Variants in CHRM2 observed in about 807,000 individuals in gnomAD.
CHRM2 encodes the protein muscarinic acetylcholine receptor M2.
CHRM2 carries 8 observed loss-of-function variants against 25.0 expected under a neutral mutation model. That is an observed-to-expected ratio of 0.32 (90% CI 0.19 to 0.58). The LOEUF is 0.58. CHRM2 is among the 20% of genes least tolerant of loss of function. The pLI is 0.88. For missense variants in CHRM2, 440 were observed against 567.1 expected, an observed-to-expected ratio of 0.78 and a Z score of 2.28; for synonymous variants, 202 against 205.7, an observed-to-expected ratio of 0.98 and a Z score of 0.15.
At chr7:136,899,609 G>A (rs1797090038) in intron 2 of CHRM2, 2 of 152,046 alleles carry the variant, frequency 1.3e-5, no homozygotes, top group South Asian at 2.1e-4. Flanking sequence ...AAGGAAGTAA[G>A]GAGGCATTAA....
Position 136,933,912 on chromosome 7 carries a change from G to C in CHRM2, c.-124-58275G>C, listed in dbSNP as rs150351415. On this transcript the variant is annotated intron_variant, in intron 2 of 3. Coordinates refer to ENST00000680005, the MANE Select transcript of CHRM2 (RefSeq NM_001006630.2). ...GTGGTTGAGTAGGGTTTGTGAGTTT[G>C]GGAAAATTGCAAGTAACGGCTAATG... 2.0e-5 allele frequency among the ~76,000 whole-genome samples: 3 copies of C among 152,190 alleles called. No individual in the cohort carries two copies. In the East Asian group the frequency reaches 5.8e-4, roughly 29 times the overall value.
chr7:136,995,123 T>C (rs1283893542), intron 3 of CHRM2, among the ~76,000 whole-genome samples: 2 of 152,158 alleles, frequency 1.3e-5, no homozygotes, highest in African/African-American at 2.4e-5. Context: ...ATACACATTG[T>C]ATAGAAGTAG....
At chr7:136,927,464 G>C (rs1798813199) in intron 2 of CHRM2, among the ~76,000 whole-genome samples, 1 of 151,752 alleles carries the variant, frequency 6.6e-6, no homozygotes, top group Admixed American at 6.6e-5. Context: ...CATTTGTTTT[G>C]GCACCAAAAG....
intron 2 of CHRM2, among the ~76,000 whole-genome samples, chr7:136,939,143 A>G (rs1174149206): frequency 2.0e-5 from 3 of 152,114 alleles, no homozygotes; most frequent in Admixed American, 6.5e-5. Flanking sequence ...CCCCATGAGG[A>G]AGCAGTAGCA....
chr7:136,937,793 G>A (rs984172548), intron 2 of CHRM2, among the ~76,000 whole-genome samples: 3 of 152,112 alleles, frequency 2.0e-5, no homozygotes, highest in Non-Finnish European at 2.9e-5. Context: ...AGATTTCCAC[G>A]CTTTTGACAC....
At chr7:136,938,137 C>T in intron 2 of CHRM2, 1 of 638,474 alleles carries the variant, frequency 1.6e-6, no homozygotes, top group Non-Finnish European at 2.8e-6. Flanking sequence ...CTTGTCTCCT[C>T]TTCTTGTCAG....
At chr7:136,925,921 A>C (rs1584767078) in intron 2 of CHRM2, among the ~76,000 whole-genome samples, 1 of 152,294 alleles carries the variant, frequency 6.6e-6, no homozygotes, top group South Asian at 2.1e-4. Context: ...TCAGGCTTTA[A>C]TATGGTGTCC....
intron 2 of CHRM2, among the ~76,000 whole-genome samples, chr7:136,879,742 T>C (rs530357593): frequency 9.9e-5 from 15 of 152,084 alleles, no homozygotes; most frequent in African/African-American, 3.6e-4. Flanking sequence ...AATTCCTCTT[T>C]AAATTTCTCT....
At chr7:136,943,466 TA>T (rs1159981550) in intron 2 of CHRM2, among the ~76,000 whole-genome samples, 2 of 152,248 alleles carry the variant, frequency 1.3e-5, no homozygotes, top group African/African-American at 4.8e-5. Flanking sequence ...TTTCTTTTAC[TA>T]ATGCAGCCTA....
At chr7:136,883,799 C>T (rs989940434) in intron 2 of CHRM2, among the ~76,000 whole-genome samples, 9 of 152,042 alleles carry the variant, frequency 5.9e-5, no homozygotes, top group Non-Finnish European at 1.0e-4. Context: ...CAAACATGAG[C>T]GACTGTCAAA....
intron 2 of CHRM2, among the ~76,000 whole-genome samples, chr7:136,987,883 T>A (rs993084050): frequency 6.6e-6 from 1 of 151,876 alleles, no homozygotes; most frequent in African/African-American, 2.4e-5. Context: ...GTTCCAAATT[T>A]TCTTATTTTA....
At chr7:136,980,553 C>T (rs1255817010) in intron 2 of CHRM2, among the ~76,000 whole-genome samples, 1 of 152,142 alleles carries the variant, frequency 6.6e-6, no homozygotes, top group Non-Finnish European at 1.5e-5. Flanking sequence ...CAGCATTTTC[C>T]CATTCAGTAT....
At position 136,980,874 on chromosome 7, in the gene CHRM2, G is replaced by A. The variant is rs1231701082; in HGVS notation, c.-124-11313G>A. 5.9e-5 allele frequency among the ~76,000 whole-genome samples: 9 copies of A among 152,312 alleles called. No individual in the cohort carries two copies. In the South Asian group the frequency reaches 1.9e-3, roughly 32 times the overall value. Reference sequence around the variant, plus strand: ...TTTTACTGAGGATTTTCGCATCGATGTTCATCAGGGATGTTGGCTTGAAAT... The same window carrying A: ...TTTTACTGAGGATTTTCGCATCGATATTCATCAGGGATGTTGGCTTGAAAT... On this transcript the variant is annotated intron_variant, in intron 2 of 3. Transcript: ENST00000680005.
At chr7:136,992,472 G>C (rs1803292829) in intron 3 of CHRM2, among the ~76,000 whole-genome samples, 1 of 151,998 alleles carries the variant, frequency 6.6e-6, no homozygotes, top group Non-Finnish European at 1.5e-5. Flanking sequence ...CCACAGACCA[G>C]GGACAAACTA....
At chr7:136,962,853 G>A (rs913391564) in intron 2 of CHRM2, among the ~76,000 whole-genome samples, 15 of 152,126 alleles carry the variant, frequency 9.9e-5, no homozygotes, top group African/African-American at 3.6e-4. Context: ...TTAAGGCCCT[G>A]AAAGTCAACA....
In CHRM2 at chr7:137,018,397, CA is replaced by C. The variant is rs1805285723; in HGVS notation, c.*2132del. On this transcript the variant is annotated 3_prime_UTR_variant, in exon 4 of 4. Coordinates refer to ENST00000680005, the MANE Select transcript of CHRM2 (RefSeq NM_001006630.2). ...ACAGTTACTTCAACATGCACTTTTA[CA>C]TTTTAAATTCATATTTATTTTCATA... The C allele has an allele frequency of 6.6e-6, 1 of 151,898 alleles. No individual in the cohort carries two copies. The highest frequency in any genetic ancestry group is 6.6e-5 in the Admixed American group (1 of 15,194). The allele number at this position is 151,898 out of a possible 1,614,324, so 9.4% of individuals were successfully genotyped here.
At chr7:136,939,379 G>C (rs549860292) in intron 2 of CHRM2, among the ~76,000 whole-genome samples, 3 of 152,330 alleles carry the variant, frequency 2.0e-5, no homozygotes, top group African/African-American at 7.2e-5. Flanking sequence ...TCAAGTTCCA[G>C]TTCTAATGCC....
intron 2 of CHRM2, among the ~76,000 whole-genome samples, chr7:136,945,687 T>C (rs1800035116): frequency 6.6e-6 from 1 of 152,182 alleles, no homozygotes; most frequent in South Asian, 2.1e-4. Context: ...TGCTAACTCT[T>C]GCTTTGGCTA....
At chr7:136,894,997 A>G (rs1430940514) in intron 2 of CHRM2, among the ~76,000 whole-genome samples, 1 of 151,838 alleles carries the variant, frequency 6.6e-6, no homozygotes. Flanking sequence ...GCATTCTACA[A>G]CTCTACAGTA....
Sources: allele counts gnomAD v4.1 joint callset (sites outside exome capture counted in the v4.1 genomes callset), GRCh38; gene constraint gnomAD v4.1.1; transcripts MANE v1.5; gene names NCBI Gene and HGNC (gene_info 2026-07-23, HGNC 2026-07-21).